Variants in CCDC15 observed in about 807,000 individuals in gnomAD.
CCDC15 encodes coiled-coil domain-containing protein 15.
In CCDC15, 105 loss-of-function variants were observed where a neutral mutation model predicts 114.5. That is an observed-to-expected ratio of 0.92 (90% CI 0.78 to 1.08). The LOEUF (loss-of-function observed/expected upper bound fraction) is 1.08. Ranked by LOEUF, CCDC15 falls within the 50% of genes least tolerant of loss-of-function variation. The pLI is 0.00. For missense variants in CCDC15, 1,105 were observed against 1,093.6 expected (o/e 1.01, Z -0.15); for synonymous variants, 334 against 377.8 (o/e 0.88, Z 1.34).
intron 6 of CCDC15, among the ~76,000 whole-genome samples, chr11:124,979,881 C>A (rs188664442): frequency 3.9e-5 from 6 of 152,228 alleles, no homozygotes; most frequent in Admixed American, 2.0e-4. Flanking sequence ...TTTGCCTATT[C>A]AGTATGATGT....
intron 4 of CCDC15, among the ~76,000 whole-genome samples, chr11:124,967,680 G>A (rs1245461640): frequency 3.3e-5 from 5 of 152,182 alleles, no homozygotes; most frequent in African/African-American, 4.8e-5. Flanking sequence ...CGTTGCTGGC[G>A]AGGAGCTGTG....
rs199594697 is a variant in CCDC15, at chr11:125,038,504, C to G, written c.2485C>G (p.Pro829Ala). ...CCTAAGAATGAACTTTCATGAAGAT[C>G]CATATTCAGGAGAGAAGTTGAGTGA... ...RILRMNFHEDPYSGEKLSEIL... is the reference protein window; with the variant it reads ...RILRMNFHEDAYSGEKLSEIL... Residue 829 changes from proline (P) to alanine (A), a missense_variant, in exon 14 of 16, where the codon CCA becomes GCA. Transcript: ENST00000344762. The G allele has an allele frequency of 1.7e-4, 264 of 1,584,678 alleles. No individual in the cohort carries two copies. The highest frequency in any genetic ancestry group is 2.0e-4 in the Non-Finnish European group (236 of 1,164,052).
Position 125,016,030 on chromosome 11 carries a change from A to G in CCDC15, c.2411+10818A>G, listed in dbSNP as rs182866215. Among the ~76,000 whole-genome samples, 13 of 152,312 alleles carry G rather than the reference A, an allele frequency of 8.5e-5. No individual in the cohort carries two copies. The East Asian group carries it at 2.5e-3, about 29-fold the overall frequency. The stretch of plus-strand genomic sequence containing the variant: ...TAACATACTGAAATAAAATATTCCA[A>G]GATGTTAAAGAATTGTCTTTGGATG... On this transcript the variant is annotated intron_variant, in intron 13 of 15. Transcript: ENST00000344762.
At position 125,038,531 on chromosome 11, in the gene CCDC15, A is replaced by G. The variant is rs1214465324; in HGVS notation, c.2512A>G (p.Ile838Val). 1 of 1,587,622 alleles carries G rather than the reference A, an allele frequency of 6.3e-7. No homozygotes were observed. The highest frequency in any genetic ancestry group is 8.6e-7 in the Non-Finnish European group (1 of 1,166,236). ...ATATTCAGGAGAGAAGTTGAGTGAGATATTAGCCCAGTTACAACTTCAAGA... is the reference window on the plus strand; with the variant it reads ...ATATTCAGGAGAGAAGTTGAGTGAGGTATTAGCCCAGTTACAACTTCAAGA... ...DPYSGEKLSE[I>V]LAQLQLQEIK... is the part of the protein sequence containing the mutation. The change falls in exon 14 of 16, where the codon ATA becomes GTA. Residue 838 changes from isoleucine (I) to valine (V), a missense_variant. Physicochemically the swap from Ile to Val is conservative, Grantham distance 29. Coordinates refer to ENST00000344762, the MANE Select transcript of CCDC15 (RefSeq NM_025004.3).
chr11:125,011,242 A>ATTTTTTTT lies in CCDC15; in HGVS notation c.2411+6032_2411+6033insTTTTTTTT, dbSNP rs558615124. On this transcript the variant is annotated intron_variant, in intron 13 of 15. Transcript: ENST00000344762. ...AAGTATTATTATTATTATTATTATT[A>ATTTTTTTT]TTATTATTTTTTAAGATGGAGTTTC... 4.9e-4 allele frequency among the ~76,000 whole-genome samples: 71 copies of ATTTTTTTT among 143,530 alleles called. 2 individuals are homozygous for ATTTTTTTT. The highest frequency in any genetic ancestry group is 2.8e-3 in the South Asian group (13 of 4,598). The allele number at this position is 143,530 out of a possible 152,430, so 94.2% of individuals were successfully genotyped here. A position where few individuals can be genotyped will look rare whatever the true frequency, so the allele number is the denominator to read the frequency against.
At chr11:124,964,953 G>A (rs1947745781) in intron 4 of CCDC15, among the ~76,000 whole-genome samples, 3 of 151,968 alleles carry the variant, frequency 2.0e-5, no homozygotes, top group Admixed American at 2.0e-4. Context: ...TTATTGATTT[G>A]CATTTGTTGA....
intron 13 of CCDC15, among the ~76,000 whole-genome samples, chr11:125,009,287 T>C (rs1202205962): frequency 2.0e-5 from 3 of 152,190 alleles, no homozygotes; most frequent in African/African-American, 4.8e-5. Context: ...TCAGATGTTA[T>C]TGACATACTA....
chr11:124,970,841 C>T (rs1220934971), intron 4 of CCDC15, among the ~76,000 whole-genome samples: 1 of 152,092 alleles, frequency 6.6e-6, no homozygotes, highest in Non-Finnish European at 1.5e-5. Context: ...ACTATCTAAT[C>T]ATAGTTTGCT....
intron 13 of CCDC15, among the ~76,000 whole-genome samples, chr11:125,015,419 A>G (rs1403003740): frequency 6.6e-6 from 1 of 152,180 alleles, no homozygotes; most frequent in African/African-American, 2.4e-5. Context: ...TACAGAGCCT[A>G]CAGACATTAA....
chr11:125,039,142 T>G, intron 15 of CCDC15, 73 bp downstream of exon 15: 1 of 1,366,366 alleles, frequency 7.3e-7, no homozygotes, highest in Non-Finnish European at 9.9e-7. Flanking sequence ...GTAATAGTAA[T>G]TTACCATTTA....
intron 15 of CCDC15, 63 bp from the exon 16 acceptor site, chr11:125,040,527 A>T: frequency 6.7e-7 from 1 of 1,496,470 alleles, no homozygotes; most frequent in Non-Finnish European, 9.0e-7. Flanking sequence ...CTAATAAGAT[A>T]GAGGCTGGTA....
At position 124,959,267 on chromosome 11, in the gene CCDC15, A is replaced by C; in HGVS notation, c.327+3A>C. 6.4e-7 allele frequency: 1 copy of C among 1,565,746 alleles called. No homozygotes were observed. Among genetic ancestry groups the C allele is most frequent in the Non-Finnish European group, 8.6e-7 (1 of 1,161,800 alleles). Reference sequence around the variant, plus strand: ...AGCTTCAGAAGTCTTATGAAAGAGTAAGTTCAAAAGTGAGCCTGAGTAAAG... The same window carrying C: ...AGCTTCAGAAGTCTTATGAAAGAGTCAGTTCAAAAGTGAGCCTGAGTAAAG... On this transcript the variant is annotated splice_donor_region_variant and intron_variant, in intron 3 of 15. Transcript: ENST00000344762.
At position 124,975,215 on chromosome 11, in the gene CCDC15, T is replaced by C. The variant is rs1947954168; in HGVS notation, c.630+6T>C. 6.7e-7 allele frequency: 1 copy of C among 1,503,056 alleles called. No individual in the cohort carries two copies. The highest frequency in any genetic ancestry group is 9.0e-7 in the Non-Finnish European group (1 of 1,106,730). 93.1% of individuals were successfully genotyped at this position (1,503,056 alleles called of 1,614,324 possible). A position where few individuals can be genotyped will look rare whatever the true frequency, so the allele number is the denominator to read the frequency against. On this transcript the variant is annotated splice_donor_region_variant and intron_variant, in intron 5 of 15. Transcript: ENST00000344762. ...AAAGCTTTCTTACCAGAGAGGTAAA[T>C]TAATTTCTAATACATGATTTAAAAA...
At chr11:124,991,700 T>C (rs1162895476) in intron 9 of CCDC15, 117 bp downstream of exon 9, 1 of 921,174 alleles carries the variant, frequency 1.1e-6, no homozygotes, top group East Asian at 2.8e-5. Flanking sequence ...AGTGGCTTTT[T>C]TCTGATGGAG....
At chr11:124,956,675 T>C (rs1043385430) in intron 2 of CCDC15, among the ~76,000 whole-genome samples, 2 of 152,230 alleles carry the variant, frequency 1.3e-5, no homozygotes, top group African/African-American at 4.8e-5. Context: ...TAACTCAAAA[T>C]ATTAAAGTCT....
At chr11:125,028,260 A>G (rs1012941360) in intron 13 of CCDC15, among the ~76,000 whole-genome samples, 6 of 152,002 alleles carry the variant, frequency 3.9e-5, no homozygotes, top group Non-Finnish European at 5.9e-5. Flanking sequence ...TTTTGTTTTC[A>G]TATGAATGTT....
intron 13 of CCDC15, among the ~76,000 whole-genome samples, chr11:125,011,457 C>T (rs774888305): frequency 2.0e-5 from 3 of 152,002 alleles, no homozygotes; most frequent in African/African-American, 2.4e-5. Flanking sequence ...AGGCTGATCT[C>T]GAACTCCTGA....
chr11:124,977,202 TAAA>T (rs1947987958), intron 5 of CCDC15, among the ~76,000 whole-genome samples: 2 of 152,198 alleles, frequency 1.3e-5, no homozygotes, highest in African/African-American at 2.4e-5. Flanking sequence ...TTGCCAAGAC[TAAA>T]ATCATGAGTC....
chr11:124,975,789 G>T (rs1429556378), intron 5 of CCDC15, among the ~76,000 whole-genome samples: 1 of 152,030 alleles, frequency 6.6e-6, no homozygotes, highest in African/African-American at 2.4e-5. Context: ...TATTACAGGT[G>T]ATTTTCTTCT....
Sources: allele counts gnomAD v4.1 joint callset (sites outside exome capture counted in the v4.1 genomes callset), GRCh38; gene constraint gnomAD v4.1.1; transcripts MANE v1.5; gene names NCBI Gene and HGNC (gene_info 2026-07-23, HGNC 2026-07-21).